The following MAGI2 variants were observed in gnomAD, a reference collection of about 807,000 sequenced individuals.
MAGI2 encodes the protein membrane-associated guanylate kinase, WW and PDZ domain-containing protein 2.
Under a neutral mutation model 133.3 loss-of-function variants are expected in MAGI2, and 35 were observed. The observed-to-expected ratio is 0.26, with a 90% CI of 0.20 to 0.35. MAGI2 has a LOEUF of 0.35. Ranked by LOEUF, MAGI2 falls within the 10% of genes least tolerant of loss-of-function variation. MAGI2 has a pLI of 1.00. For missense variants in MAGI2, 1,636 were observed against 1,863.4 expected (o/e 0.88, Z 2.25); for synonymous variants, 729 against 710.6 (o/e 1.03, Z -0.41).
Position 78,966,300 on chromosome 7 carries a change from C to G in MAGI2, c.418+40790G>C, listed in dbSNP as rs913494262. On this transcript the variant is annotated intron_variant, in intron 2 of 21. Coordinates refer to ENST00000354212, the MANE Select transcript of MAGI2 (RefSeq NM_012301.4). Reference sequence around the variant, plus strand: ...TAGGCAACTTATTCATCTTGCCTAACTGAAACTTTATACCTGTTGAACAGC... The same window carrying G: ...TAGGCAACTTATTCATCTTGCCTAAGTGAAACTTTATACCTGTTGAACAGC... 2.0e-5 allele frequency among the ~76,000 whole-genome samples: 3 copies of G among 152,076 alleles called. No homozygotes were observed. In the East Asian group the frequency reaches 5.8e-4, roughly 29 times the overall value.
chr7:79,381,056 C>T (rs1294686150), intron 1 of MAGI2, among the ~76,000 whole-genome samples: 1 of 151,774 alleles, frequency 6.6e-6, no homozygotes, highest in Non-Finnish European at 1.5e-5. Flanking sequence ...TCACAAACTT[C>T]TTTCCATGAA....
chr7:78,300,988 A>G (rs1158566469), intron 9 of MAGI2, among the ~76,000 whole-genome samples: 1 of 152,216 alleles, frequency 6.6e-6, no homozygotes, highest in Non-Finnish European at 1.5e-5. Context: ...TAATTGTCAC[A>G]GTAACCCTGT....
At chr7:79,038,768 T>C (rs768866080) in intron 1 of MAGI2, among the ~76,000 whole-genome samples, 5 of 152,226 alleles carry the variant, frequency 3.3e-5, no homozygotes, top group Non-Finnish European at 5.9e-5. Flanking sequence ...TTCTAAAATA[T>C]ACTGCTGTAA....
chr7:78,599,525 G>C (rs955896740), intron 3 of MAGI2, among the ~76,000 whole-genome samples: 8 of 151,964 alleles, frequency 5.3e-5, no homozygotes, highest in African/African-American at 1.7e-4. Context: ...AGGCAAGTTC[G>C]GATTAACAGA....
At chr7:78,677,631 C>T (rs981790596) in intron 2 of MAGI2, among the ~76,000 whole-genome samples, 1 of 152,038 alleles carries the variant, frequency 6.6e-6, no homozygotes, top group Non-Finnish European at 1.5e-5. Flanking sequence ...TTTGCAACCT[C>T]ACATGATTTC....
chr7:78,392,415 G>C (rs996531341), intron 6 of MAGI2, among the ~76,000 whole-genome samples: 1 of 152,114 alleles, frequency 6.6e-6, no homozygotes, highest in African/African-American at 2.4e-5. Context: ...GGCAAAAGTG[G>C]TGTTTGTAAA....
chr7:78,715,446 G>A (rs919798937), intron 2 of MAGI2, among the ~76,000 whole-genome samples: 1 of 152,092 alleles, frequency 6.6e-6, no homozygotes, highest in Non-Finnish European at 1.5e-5. Context: ...TAAGGACTTT[G>A]TCACCAAAAA....
At chr7:78,144,022 A>G (rs903885219) in intron 16 of MAGI2, among the ~76,000 whole-genome samples, 10 of 151,838 alleles carry the variant, frequency 6.6e-5, no homozygotes, top group African/African-American at 2.4e-4. Flanking sequence ...ATTGCTCTCA[A>G]TATGATGACA....
chr7:79,420,005 A>T (rs1238468390), intron 1 of MAGI2, among the ~76,000 whole-genome samples: 1 of 152,074 alleles, frequency 6.6e-6, no homozygotes, highest in Non-Finnish European at 1.5e-5. Context: ...ATTATTGGTT[A>T]CATCAATGCA....
chr7:79,222,558 C>T (rs932837719), intron 1 of MAGI2, among the ~76,000 whole-genome samples: 2 of 151,952 alleles, frequency 1.3e-5, no homozygotes, highest in Non-Finnish European at 2.9e-5. Context: ...ATAATAAAAA[C>T]CAGTCTCCTC....
At chr7:78,909,791 A>G (rs543516589) in intron 2 of MAGI2, among the ~76,000 whole-genome samples, 1 of 152,148 alleles carries the variant, frequency 6.6e-6, no homozygotes, top group Non-Finnish European at 1.5e-5. Flanking sequence ...CTGGATGTAT[A>G]CCCAAAGGAA....
intron 2 of MAGI2, among the ~76,000 whole-genome samples, chr7:78,996,702 AT>A (rs1392481198): frequency 6.6e-6 from 1 of 152,170 alleles, no homozygotes; most frequent in East Asian, 1.9e-4. Flanking sequence ...AAAGGAAAGT[AT>A]GTTCTACCTC....
rs1562713029 is a variant in MAGI2, at chr7:78,955,741, CTTTCTTT to C, written c.418+51342_418+51348del. Among the ~76,000 whole-genome samples, 430 of 60,694 alleles carry C rather than the reference CTTTCTTT, an allele frequency of 7.1e-3. 4 individuals are homozygous for C. Among genetic ancestry groups the C allele is most frequent in the African/African-American group, 0.02 (383 of 19,084 alleles). The allele number at this position is 60,694 out of a possible 152,430, so 39.8% of individuals were successfully genotyped here. A position where few individuals can be genotyped will look rare whatever the true frequency, so the allele number is the denominator to read the frequency against. Reference sequence around the variant, plus strand: ...TTTCTTTCTCTTTCTTTCTTTCTTTCTTTCTTTCTTTCTTTCTTTCTTTCTTTCTTTC... The same window carrying C: ...TTTCTTTCTCTTTCTTTCTTTCTTTCCTTTCTTTCTTTCTTTCTTTCTTTC... On this transcript the variant is annotated intron_variant, in intron 2 of 21. Transcript: ENST00000354212.
At chr7:78,095,055 C>G (rs1054577735) in intron 20 of MAGI2, among the ~76,000 whole-genome samples, 12 of 152,150 alleles carry the variant, frequency 7.9e-5, no homozygotes, top group Admixed American at 4.6e-4. Context: ...CAAGTCTGCT[C>G]TCTTCTTTTT....
intron 2 of MAGI2, among the ~76,000 whole-genome samples, chr7:78,806,078 T>C (rs140245294): frequency 2.6e-5 from 4 of 152,328 alleles, no homozygotes; most frequent in African/African-American, 9.6e-5. Context: ...AACACACAAG[T>C]AACTGACAGC....
intron 1 of MAGI2, among the ~76,000 whole-genome samples, chr7:79,131,158 G>A (rs1184957049): frequency 6.6e-6 from 1 of 152,130 alleles, no homozygotes; most frequent in South Asian, 2.1e-4. Flanking sequence ...AAGTAAGGTT[G>A]GAGGATCTCC....
At position 78,756,653 on chromosome 7, in the gene MAGI2, C is replaced by T. The variant is rs547720296; in HGVS notation, c.419-129414G>A. Reference sequence around the variant, plus strand: ...TTGTGGAAGAATCTGACATCAAATACTTTCTAACAGACAACCATGGGATTC... The same window carrying T: ...TTGTGGAAGAATCTGACATCAAATATTTTCTAACAGACAACCATGGGATTC... On this transcript the variant is annotated intron_variant, in intron 2 of 21. Transcript: ENST00000354212. Among the ~76,000 whole-genome samples, 82 of 152,248 alleles carry T rather than the reference C, an allele frequency of 5.4e-4. 4 individuals carry two copies. The South Asian group carries it at 0.015, about 28-fold the overall frequency.
chr7:78,800,506 G>C (rs902221358), intron 2 of MAGI2, among the ~76,000 whole-genome samples: 1 of 152,086 alleles, frequency 6.6e-6, no homozygotes, highest in Admixed American at 6.6e-5. Flanking sequence ...AGAAGAAAAG[G>C]AGAACATGAA....
chr7:79,388,193 ATTGT>A (rs1196818072), intron 1 of MAGI2, among the ~76,000 whole-genome samples: 2 of 151,844 alleles, frequency 1.3e-5, no homozygotes, highest in Non-Finnish European at 1.5e-5. Context: ...TTAACACAAC[ATTGT>A]TTGCTAAAAA....
Sources: allele counts gnomAD v4.1 joint callset (sites outside exome capture counted in the v4.1 genomes callset), GRCh38; gene constraint gnomAD v4.1.1; transcripts MANE v1.5; gene names NCBI Gene and HGNC (gene_info 2026-07-23, HGNC 2026-07-21).